Variants in RPS6KA6 observed in about 807,000 individuals in gnomAD.
RPS6KA6 encodes the protein ribosomal protein S6 kinase alpha-6.
Under a neutral mutation model 65.4 loss-of-function variants are expected in RPS6KA6, and 27 were observed. That is an observed-to-expected ratio of 0.41 (90% confidence interval 0.30 to 0.57). The LOEUF is 0.57. Among genes scored for constraint, RPS6KA6 ranks in the 20% least tolerant of loss-of-function variants. The pLI is 0.24. For missense variants in RPS6KA6, 486 were observed against 555.6 expected (o/e 0.87, Z 1.26); for synonymous variants, 190 against 184.2 (o/e 1.03, Z -0.26).
intron 20 of RPS6KA6, among the ~76,000 whole-genome samples, chrX:84,079,775 G>T (rs2033750008): frequency 8.9e-6 from 1 of 112,366 alleles, no homozygotes; most frequent in South Asian, 3.7e-4. Context: ...TGCCTCTCTA[G>T]ATTCCTCCTC....
rs1378592836 is a variant in RPS6KA6 at position 84,059,029 on chromosome X, G to A, written c.*5248C>T. 2.0e-5 allele frequency: 2 copies of A among 99,925 alleles called. No homozygotes were observed. The highest frequency in any genetic ancestry group is 1.1e-4 in the Admixed American group (1 of 8,914). The allele number at this position is 99,925 out of a possible 1,213,427, so 8.2% of individuals were successfully genotyped here. A position where few individuals can be genotyped will look rare whatever the true frequency, so the allele number is the denominator to read the frequency against. ...TTTTTTTTGTACTATGGAATTTAATGCAAGATAAATTCTAACTTACAAACC... is the reference window on the plus strand; with the variant it reads ...TTTTTTTTGTACTATGGAATTTAATACAAGATAAATTCTAACTTACAAACC... On this transcript the variant is annotated 3_prime_UTR_variant, in exon 22 of 22. Coordinates refer to ENST00000262752, the MANE Select transcript of RPS6KA6 (RefSeq NM_014496.5).
chrX:84,120,570 T>C (rs756494729), intron 8 of RPS6KA6, among the ~76,000 whole-genome samples: 21 of 111,219 alleles, frequency 1.9e-4, no homozygotes, highest in Non-Finnish European at 9.4e-5. Context: ...ACATGAAATC[T>C]ACAGGTATAA....
At chrX:84,105,598 G>T (rs1179865165) in intron 16 of RPS6KA6, among the ~76,000 whole-genome samples, 189 bp downstream of exon 16, 24 of 109,784 alleles carry the variant, frequency 2.2e-4, no homozygotes, top group Non-Finnish European at 2.5e-4. Flanking sequence ...AGTTATTTTT[G>T]ATATTCTATA....
intron 19 of RPS6KA6, 30 bp downstream of exon 19, chrX:84,097,742 T>C (rs1351415435): frequency 1.1e-6 from 1 of 934,363 alleles, no homozygotes; most frequent in African/African-American, 1.9e-5. Flanking sequence ...CAAATAACAA[T>C]GTTAATGCTT....
chrX:84,074,647 T>C (rs942178129), intron 20 of RPS6KA6, among the ~76,000 whole-genome samples: 3 of 111,845 alleles, frequency 2.7e-5, no homozygotes, highest in African/African-American at 9.8e-5. Flanking sequence ...GTACAATTTT[T>C]ATGTGTTAAT....
intron 8 of RPS6KA6, among the ~76,000 whole-genome samples, chrX:84,134,383 T>C (rs765927852): frequency 1.8e-5 from 2 of 111,448 alleles, no homozygotes; most frequent in East Asian, 5.6e-4. Flanking sequence ...ATTCTATTTC[T>C]ATATCACTCT....
chrX:84,174,973 T>A (rs2035742756), intron 1 of RPS6KA6, among the ~76,000 whole-genome samples: 1 of 112,185 alleles, frequency 8.9e-6, no homozygotes, highest in African/African-American at 3.2e-5. Flanking sequence ...CCTTCGATTT[T>A]TATTAGTTTT....
In RPS6KA6 at chrX:84,107,678, T is replaced by A. The variant is rs772780843; in HGVS notation, c.1056A>T (p.Gly352=). The A allele has an allele frequency of 8.3e-7, 1 of 1,204,190 alleles. No homozygotes were observed. Among genetic ancestry groups the A allele is most frequent in the East Asian group, 3.0e-5 (1 of 33,691 alleles). The change falls in exon 13 of 22, where the codon GGA becomes GGT. Residue 352 remains glycine, a synonymous_variant. Coordinates refer to ENST00000262752, the MANE Select transcript of RPS6KA6 (RefSeq NM_014496.5). ...CAAAACAAAAAGTATCATCTGGTTTTCCAGAAGCAGGTTTGAAAGGAGGTT... is the reference window on the plus strand; with the variant it reads ...CAAAACAAAAAGTATCATCTGGTTTACCAGAAGCAGGTTTGAAAGGAGGTT... The part of the protein sequence containing the change: ...EVQPPFKPAS[G]KPDDTFCFDP...
chrX:84,064,913 C>T, intron 21 of RPS6KA6, 58 bp downstream of exon 21: 2 of 936,294 alleles, frequency 2.1e-6, no homozygotes, highest in Non-Finnish European at 3.0e-6. Context: ...AAGTGGCACA[C>T]AATGGGTTTA....
chrX:84,121,433 A>G (rs1403965757), intron 8 of RPS6KA6, among the ~76,000 whole-genome samples: 1 of 112,238 alleles, frequency 8.9e-6, no homozygotes, highest in Non-Finnish European at 1.9e-5. Context: ...TTTCTTAATC[A>G]TTTAGAACAT....
rs1334662722 is a variant in RPS6KA6, at chrX:84,058,947, A to C, written c.*5330T>G. ...CATAAAGCCTATGTAACTCCCAACT[A>C]CCAACAGTACTTCCTGTTTTTTTTT... On this transcript the variant is annotated 3_prime_UTR_variant, in exon 22 of 22. Coordinates refer to ENST00000262752, the MANE Select transcript of RPS6KA6 (RefSeq NM_014496.5). The C allele has an allele frequency of 9.5e-6, 1 of 105,314 alleles. No individual in the cohort carries two copies. Among genetic ancestry groups the C allele is most frequent in the Non-Finnish European group, 1.9e-5 (1 of 51,861 alleles). The allele number at this position is 105,314 out of a possible 1,213,427, so 8.7% of individuals were successfully genotyped here.
chrX:84,144,320 CAAAACTCAATAAG>C (rs1464043614), intron 6 of RPS6KA6, among the ~76,000 whole-genome samples: 1 of 108,429 alleles, frequency 9.2e-6, no homozygotes, highest in African/African-American at 3.3e-5. Context: ...GAAGAACTCT[CAAAACTCAATAAG>C]AAAACAAACA....
intron 12 of RPS6KA6, among the ~76,000 whole-genome samples, chrX:84,108,748 C>T (rs1007881691): frequency 8.9e-6 from 1 of 111,750 alleles, no homozygotes; most frequent in Admixed American, 9.4e-5. Context: ...CTTTTGATCC[C>T]TGAGCAGCCT....
chrX:84,065,693 T>C (rs2033385435), intron 20 of RPS6KA6, among the ~76,000 whole-genome samples: 1 of 111,276 alleles, frequency 9.0e-6, no homozygotes, highest in Non-Finnish European at 1.9e-5. Context: ...AAAAAAGTTG[T>C]AAATTTAATA....
chrX:84,102,598 C>T (rs1258343702), intron 17 of RPS6KA6, among the ~76,000 whole-genome samples: 1 of 110,741 alleles, frequency 9.0e-6, no homozygotes, highest in Non-Finnish European at 1.9e-5. Context: ...CTACTCAACA[C>T]CCCCCTCCTT....
intron 6 of RPS6KA6, among the ~76,000 whole-genome samples, chrX:84,140,080 G>A (rs758024308): frequency 7.2e-5 from 8 of 111,866 alleles, no homozygotes; most frequent in Non-Finnish European, 5.6e-5. Flanking sequence ...ATTCAGTGGA[G>A]AAATACTCAG....
chrX:84,081,927 G>A (rs2033809029), intron 20 of RPS6KA6, among the ~76,000 whole-genome samples: 1 of 111,832 alleles, frequency 8.9e-6, no homozygotes, highest in African/African-American at 3.3e-5. Flanking sequence ...AATAAACTAG[G>A]TATTGATGGA....
At chrX:84,118,640 G>A (rs2034612695) in intron 9 of RPS6KA6, among the ~76,000 whole-genome samples, 1 of 111,387 alleles carries the variant, frequency 9.0e-6, no homozygotes, top group Admixed American at 9.5e-5. Flanking sequence ...ACCCCCTAAA[G>A]CTCACAAATT....
chrX:84,167,008 T>C (rs2147614592), intron 1 of RPS6KA6, among the ~76,000 whole-genome samples: 1 of 108,535 alleles, frequency 9.2e-6, no homozygotes, highest in African/African-American at 3.4e-5. Flanking sequence ...TTTCAAGAAG[T>C]TCAGTAAATC....
Sources: gnomAD v4.1 joint callset for allele counts (sites outside exome capture counted in the v4.1 genomes callset) on GRCh38, gnomAD v4.1.1 for gene constraint, MANE v1.5 for transcripts, NCBI Gene and HGNC (gene_info 2026-07-23, HGNC 2026-07-21) for gene names.